Variants in RALGAPA1 observed in about 807,000 individuals in gnomAD.
The protein encoded by RALGAPA1 is Ral GTPase activating protein catalytic subunit alpha 1.
In RALGAPA1, 52 loss-of-function variants were observed where a neutral mutation model predicts 269.6. The ratio of observed to expected loss-of-function variants is 0.19; its 90% CI spans 0.15 to 0.24. RALGAPA1 has a LOEUF of 0.24. RALGAPA1 is among the 10% of genes least tolerant of loss of function. The pLI is 1.00. For synonymous variants in RALGAPA1, 817 were observed against 1,008.3 expected (o/e 0.81, Z 3.60); for missense variants, 1,917 against 3,013.9 (o/e 0.64, Z 8.52).
chr14:35,806,313 A>G (rs556339103), intron 1 of RALGAPA1, among the ~76,000 whole-genome samples: 1 of 152,310 alleles, frequency 6.6e-6, no homozygotes, highest in African/African-American at 2.4e-5. Context: ...TACATGTGCT[A>G]ATTTATAATA....
chr14:35,758,237 C>CT (rs1431916127), intron 6 of RALGAPA1, among the ~76,000 whole-genome samples: 1 of 104,350 alleles, frequency 9.6e-6, no homozygotes, highest in East Asian at 3.3e-4. Flanking sequence ...GAGCAAGACT[C>CT]TGTCTCAAAA....
At chr14:35,562,732 G>T (rs1342184119) in intron 39 of RALGAPA1, among the ~76,000 whole-genome samples, 2 of 151,906 alleles carry the variant, frequency 1.3e-5, no homozygotes, top group Non-Finnish European at 2.9e-5. Context: ...ATTCTTAAAA[G>T]AATCCATGGC....
chr14:35,644,598 TA>T (rs2062263342), intron 31 of RALGAPA1, among the ~76,000 whole-genome samples: 1 of 152,116 alleles, frequency 6.6e-6, no homozygotes, highest in South Asian at 2.1e-4. Context: ...GTTAATAATT[TA>T]AAAAAATAGA....
chr14:35,808,357 G>A lies in RALGAPA1; in HGVS notation c.106+373C>T, dbSNP rs533323928. 3.1e-4 allele frequency among the ~76,000 whole-genome samples: 47 copies of A among 152,194 alleles called. No individual in the cohort carries two copies. In the Middle Eastern group the frequency reaches 0.01, roughly 33 times the overall value. On this transcript the variant is annotated intron_variant, in intron 1 of 41. Transcript: ENST00000680220. The stretch of plus-strand genomic sequence containing the variant: ...ATTAAGGTTTATATTGTCTGAGAGA[G>A]GATTTTATTTTTCTTTTTACTTGGG...
At chr14:35,661,398 A>G (rs1005517039) in intron 27 of RALGAPA1, among the ~76,000 whole-genome samples, 1 of 152,206 alleles carries the variant, frequency 6.6e-6, no homozygotes, top group African/African-American at 2.4e-5. Context: ...AACGAAGAAC[A>G]AATACAAGGG....
intron 11 of RALGAPA1, among the ~76,000 whole-genome samples, chr14:35,741,091 A>C (rs1019589944): frequency 1.2e-4 from 19 of 152,212 alleles, no homozygotes; most frequent in Middle Eastern, 3.4e-3. Context: ...TAACATCACC[A>C]ATCTACCCTT....
chr14:35,627,797 A>G lies in RALGAPA1; in HGVS notation c.6150T>C (p.Ser2050=). 1.9e-6 allele frequency: 3 copies of G among 1,588,756 alleles called. No homozygotes were observed. Among genetic ancestry groups the G allele is most frequent in the South Asian group, 1.1e-5 (1 of 88,146 alleles). The part of the protein sequence containing the change: ...CENHDNHYSE[S]TELSPELFES... ...CAAAGAGTTCAGGAGAAAGTTCAGT[A>G]CTTTCACTGTAATGATTGTCGTGAT... The change falls in exon 34 of 42, where the codon AGT becomes AGC. Residue 2050 remains serine, a synonymous_variant. Transcript: ENST00000680220.
intron 37 of RALGAPA1, among the ~76,000 whole-genome samples, chr14:35,589,369 C>T (rs180672465): frequency 3.0e-3 from 453 of 152,150 alleles, no homozygotes; most frequent in Non-Finnish European, 5.0e-3. Context: ...GAACAACATG[C>T]TGTATACTTG....
At position 35,620,303 on chromosome 14, in the gene RALGAPA1, T is replaced by C. The variant is rs1407087867; in HGVS notation, c.6929+5058A>G. The stretch of plus-strand genomic sequence containing the variant: ...GATGCAGAAAAGGCCTTTGACAAAA[T>C]TCAACAGCTCTTCATGCTAAAAACT... On this transcript the variant is annotated intron_variant, in intron 35 of 41. Coordinates refer to ENST00000680220, the MANE Select transcript of RALGAPA1 (RefSeq NM_001346249.2). 2.0e-5 allele frequency among the ~76,000 whole-genome samples: 3 copies of C among 152,196 alleles called. No individual in the cohort carries two copies. In the South Asian group the frequency reaches 6.2e-4, roughly 32 times the overall value.
At chr14:35,733,372 G>A (rs1160311035) in intron 12 of RALGAPA1, among the ~76,000 whole-genome samples, 1 of 152,100 alleles carries the variant, frequency 6.6e-6, no homozygotes, top group Non-Finnish European at 1.5e-5. Context: ...AGCTACTCAG[G>A]AGGCTGAAGC....
chr14:35,733,305 C>T (rs2070679120), intron 12 of RALGAPA1, among the ~76,000 whole-genome samples: 1 of 152,022 alleles, frequency 6.6e-6, no homozygotes. Flanking sequence ...TGGAGAAACC[C>T]CGTCTCTACT....
intron 17 of RALGAPA1, among the ~76,000 whole-genome samples, chr14:35,697,605 C>G (rs1317970252): frequency 6.6e-6 from 1 of 151,990 alleles, no homozygotes; most frequent in Non-Finnish European, 1.5e-5. Context: ...CTCAGCCTCC[C>G]AAAGTTGCTG....
intron 6 of RALGAPA1, among the ~76,000 whole-genome samples, chr14:35,760,605 G>A (rs2073617183): frequency 6.6e-6 from 1 of 152,120 alleles, no homozygotes; most frequent in African/African-American, 2.4e-5. Flanking sequence ...AGCCCTTGTG[G>A]CATGGCATGC....
intron 35 of RALGAPA1, among the ~76,000 whole-genome samples, chr14:35,620,177 T>A (rs1196741830): frequency 6.6e-6 from 1 of 152,212 alleles, no homozygotes; most frequent in Non-Finnish European, 1.5e-5. Context: ...CAAGTCGGCT[T>A]CATCCCTGGG....
intron 1 of RALGAPA1, among the ~76,000 whole-genome samples, chr14:35,799,607 C>G (rs1434992758): frequency 6.6e-6 from 1 of 150,592 alleles, no homozygotes; most frequent in East Asian, 1.9e-4. Flanking sequence ...AATCATAAAG[C>G]AGTCACTGAA....
chr14:35,764,481 A>G (rs1178339044), intron 4 of RALGAPA1, among the ~76,000 whole-genome samples: 1 of 152,106 alleles, frequency 6.6e-6, no homozygotes, highest in Non-Finnish European at 1.5e-5. Flanking sequence ...AAACAATTCA[A>G]TCATGTTTTT....
intron 39 of RALGAPA1, among the ~76,000 whole-genome samples, chr14:35,558,441 A>C (rs2055843756): frequency 6.6e-6 from 1 of 152,210 alleles, no homozygotes; most frequent in African/African-American, 2.4e-5. Flanking sequence ...TTAAATTATG[A>C]AGATAAAAAA....
intron 37 of RALGAPA1, among the ~76,000 whole-genome samples, chr14:35,575,380 A>C (rs145718350): frequency 2.5e-3 from 374 of 152,320 alleles, no homozygotes; most frequent in Middle Eastern, 0.01. Flanking sequence ...GACTATTATT[A>C]CTTGAAGAAG....
chr14:35,718,173 T>C (rs2069016861), intron 16 of RALGAPA1, among the ~76,000 whole-genome samples: 1 of 152,194 alleles, frequency 6.6e-6, no homozygotes, highest in African/African-American at 2.4e-5. Context: ...GACATGTTTA[T>C]TGGTTTATTT....
Sources: gnomAD v4.1 joint callset for allele counts (sites outside exome capture counted in the v4.1 genomes callset) on GRCh38, gnomAD v4.1.1 for gene constraint, MANE v1.5 for transcripts, NCBI Gene and HGNC (gene_info 2026-07-23, HGNC 2026-07-21) for gene names.